Variants in ABI1 observed in about 807,000 individuals in gnomAD.
ABI1 encodes abl interactor 1.
ABI1 carries 14 observed loss-of-function variants against 54.6 expected under a neutral mutation model. That is an observed-to-expected ratio of 0.26 (90% CI 0.17 to 0.40). The LOEUF (loss-of-function observed/expected upper bound fraction) is 0.40. ABI1 is among the 10% of genes least tolerant of loss of function. The pLI, the probability that ABI1 is intolerant of heterozygous loss-of-function variation, is 1.00. For synonymous variants in ABI1, 194 were observed against 209.3 expected (o/e 0.93, Z 0.63); for missense variants, 443 against 598.3 (o/e 0.74, Z 2.71).
chr10:26,811,820 T>C lies in ABI1; in HGVS notation c.285+11318A>G, dbSNP rs911571555. Among the ~76,000 whole-genome samples, 6 of 143,086 alleles carry C rather than the reference T, an allele frequency of 4.2e-5. No individual in the cohort carries two copies. In the South Asian group the frequency reaches 1.1e-3, roughly 27 times the overall value. 93.9% of individuals were successfully genotyped at this position (143,086 alleles called of 152,430 possible). A position where few individuals can be genotyped will look rare whatever the true frequency, so the allele number is the denominator to read the frequency against. ...GTATAAATTTATGCAAAGATTTGTA[T>C]AAATTTGTATAAATTTATGCAAAGA... On this transcript the variant is annotated intron_variant, in intron 2 of 10. Coordinates refer to ENST00000376140, the MANE Select transcript of ABI1 (RefSeq NM_001012750.3).
chr10:26,824,698 C>T (rs1421702136), intron 1 of ABI1, among the ~76,000 whole-genome samples: 1 of 146,354 alleles, frequency 6.8e-6, no homozygotes, highest in Non-Finnish European at 1.5e-5. Context: ...AAAGGAAAAA[C>T]AAACCTTGGC....
At chr10:26,828,674 A>C (rs2477939) in intron 1 of ABI1, among the ~76,000 whole-genome samples, 15 of 152,212 alleles carry the variant, frequency 9.9e-5, no homozygotes, top group African/African-American at 3.4e-4. Flanking sequence ...AGTAATTCGA[A>C]TGTACATTCT....
intron 1 of ABI1, among the ~76,000 whole-genome samples, chr10:26,834,285 A>G (rs1236125036): frequency 6.6e-6 from 1 of 152,146 alleles, no homozygotes; most frequent in Non-Finnish European, 1.5e-5. Context: ...AGTCAATAAA[A>G]ATGACAACCT....
At chr10:26,777,874 C>T (rs998736305) in intron 2 of ABI1, among the ~76,000 whole-genome samples, 2 of 152,066 alleles carry the variant, frequency 1.3e-5, no homozygotes, top group African/African-American at 4.8e-5. Context: ...CCTCCCCACA[C>T]ACCCCCCAAA....
intron 2 of ABI1, among the ~76,000 whole-genome samples, chr10:26,796,328 A>C (rs1433357541): frequency 6.6e-6 from 1 of 152,242 alleles, no homozygotes; most frequent in East Asian, 1.9e-4. Context: ...ATCACACCAC[A>C]TAATAACAAT....
At position 26,746,673 on chromosome 10, in the gene ABI1, A is replaced by C. The variant is rs1836953783; in HGVS notation, c.*1897T>G. 1.7e-6 allele frequency: 1 copy of C among 571,580 alleles called. No homozygotes were observed. Among genetic ancestry groups the C allele is most frequent in the Non-Finnish European group, 3.1e-6 (1 of 320,534 alleles). 35.4% of individuals were successfully genotyped at this position (571,580 alleles called of 1,614,324 possible). On this transcript the variant is annotated 3_prime_UTR_variant, in exon 11 of 11. Coordinates refer to ENST00000376140, the MANE Select transcript of ABI1 (RefSeq NM_001012750.3). ...TAAATGTAATTAATAAACCACCTGAATCTGTCATTCTAGTCCTATAAATTA... is the reference window on the plus strand; with the variant it reads ...TAAATGTAATTAATAAACCACCTGACTCTGTCATTCTAGTCCTATAAATTA...
intron 1 of ABI1, among the ~76,000 whole-genome samples, chr10:26,850,545 C>G (rs1045462789): frequency 1.3e-5 from 2 of 151,700 alleles, no homozygotes; most frequent in South Asian, 4.1e-4. Flanking sequence ...GTAGTCCCAA[C>G]TACTCAAGAG....
At chr10:26,842,478 G>A (rs1340145325) in intron 1 of ABI1, among the ~76,000 whole-genome samples, 1 of 151,156 alleles carries the variant, frequency 6.6e-6, no homozygotes, top group African/African-American at 2.4e-5. Flanking sequence ...CTTTTAGTGT[G>A]GAATCCAAAA....
chr10:26,811,177 A>G (rs763612858), intron 2 of ABI1, among the ~76,000 whole-genome samples: 4 of 152,162 alleles, frequency 2.6e-5, no homozygotes, highest in Non-Finnish European at 5.9e-5. Flanking sequence ...CCTGTAGAAT[A>G]ATTTTGAAAC....
intron 3 of ABI1, among the ~76,000 whole-genome samples, chr10:26,773,294 C>T (rs564106359): frequency 1.2e-3 from 172 of 144,120 alleles, no homozygotes; most frequent in African/African-American, 4.3e-3. Context: ...CTCTGCCTCC[C>T]GGGTTCAAGC....
chr10:26,773,169 C>A (rs1452403782), intron 3 of ABI1, among the ~76,000 whole-genome samples: 2 of 148,128 alleles, frequency 1.4e-5, no homozygotes. Context: ...CTTCTAAGTA[C>A]ATCATAGTTT....
chr10:26,816,986 T>TTGTGTGTGTGTGTGTGTGTGTG (rs71403891), intron 2 of ABI1, among the ~76,000 whole-genome samples: 108 of 143,860 alleles, frequency 7.5e-4, no homozygotes, highest in Non-Finnish European at 1.1e-3. Flanking sequence ...TGCAAAGACT[T>TTGTGTGTGTGTGTGTGTGTGTG]TGTGTGTGTG....
intron 1 of ABI1, among the ~76,000 whole-genome samples, chr10:26,828,674 A>T (rs2477939): frequency 0.99 from 151,436 of 152,326 alleles, 75,282 homozygotes; most frequent in Middle Eastern, 1. Flanking sequence ...AGTAATTCGA[A>T]TGTACATTCT....
chr10:26,791,264 C>T (rs1254700063), intron 2 of ABI1, among the ~76,000 whole-genome samples: 3 of 151,986 alleles, frequency 2.0e-5, no homozygotes, highest in African/African-American at 7.2e-5. Flanking sequence ...TAAAAGCTCT[C>T]TCCCCTATCC....
At chr10:26,838,041 TGAG>T (rs1164977310) in intron 1 of ABI1, among the ~76,000 whole-genome samples, 2 of 150,654 alleles carry the variant, frequency 1.3e-5, no homozygotes, top group African/African-American at 2.5e-5. Flanking sequence ...TTTTTTTTTT[TGAG>T]AGAGAGTCTT....
At chr10:26,823,101 T>C in intron 2 of ABI1, 37 bp downstream of exon 2, 1 of 1,531,498 alleles carries the variant, frequency 6.5e-7, no homozygotes, top group Non-Finnish European at 8.8e-7. Context: ...CTGTAGTTTT[T>C]TTTAAATTGA....
chr10:26,751,169 G>A (rs1189868431), intron 10 of ABI1, among the ~76,000 whole-genome samples: 2 of 152,054 alleles, frequency 1.3e-5, no homozygotes, highest in East Asian at 1.9e-4. Context: ...TATCATTTTT[G>A]TACCATCATA....
At chr10:26,788,116 C>T (rs1329772303) in intron 2 of ABI1, among the ~76,000 whole-genome samples, 1 of 152,090 alleles carries the variant, frequency 6.6e-6, no homozygotes, top group Non-Finnish European at 1.5e-5. Context: ...ATACTGTTCT[C>T]GTGGTAGTGA....
At chr10:26,758,916 T>G in intron 8 of ABI1, 146 bp downstream of exon 8, 1 of 804,962 alleles carries the variant, frequency 1.2e-6, no homozygotes, top group Non-Finnish European at 1.9e-6. Flanking sequence ...ATGGTATGAT[T>G]CAAGGACTAA....
Sources: allele counts gnomAD v4.1 joint callset (sites outside exome capture counted in the v4.1 genomes callset), GRCh38; gene constraint gnomAD v4.1.1; transcripts MANE v1.5; gene names NCBI Gene and HGNC (gene_info 2026-07-23, HGNC 2026-07-21).